HEMK2: variants seen among roughly 807,000 people sequenced by gnomAD.
HEMK2 encodes the protein HemK methyltransferase 2, ETF1 glutamine and histone H4 lysine.
chr21:28,869,815 G>T, the HEMK2 span, among the ~76,000 whole-genome samples: 8 of 152,280 alleles, frequency 5.3e-5, no homozygotes, highest in East Asian at 1.5e-3. Flanking sequence ...AAAGAACTTG[G>T]TACATCAGTT....
the HEMK2 span, among the ~76,000 whole-genome samples, chr21:28,607,147 A>T: frequency 6.6e-6 from 1 of 152,300 alleles, no homozygotes; most frequent in South Asian, 2.1e-4. Context: ...GCAGTGGTTC[A>T]TGCCTGTAAT....
At chr21:28,729,299 C>T in the HEMK2 span, among the ~76,000 whole-genome samples, 1 of 152,084 alleles carries the variant, frequency 6.6e-6, no homozygotes, top group African/African-American at 2.4e-5. Flanking sequence ...AGATCTAGGC[C>T]TTGAATGGGA....
chr21:28,877,129 AAAGAGAAGAG>A, the HEMK2 span, among the ~76,000 whole-genome samples: 1 of 103,992 alleles, frequency 9.6e-6, no homozygotes, highest in Non-Finnish European at 2.3e-5. Context: ...AGGAAGAAAA[AAAGAGAAGAG>A]AAGAGAGAGA....
chr21:28,613,352 T>C, the HEMK2 span, among the ~76,000 whole-genome samples: 1 of 152,038 alleles, frequency 6.6e-6, no homozygotes, highest in South Asian at 2.1e-4. Context: ...CTCCATAATG[T>C]AACTGTGACT....
At chr21:28,803,455 G>A in the HEMK2 span, among the ~76,000 whole-genome samples, 1 of 152,134 alleles carries the variant, frequency 6.6e-6, no homozygotes, top group Admixed American at 6.6e-5. Context: ...AATAAAGTCT[G>A]GAGCCCAATG....
chr21:28,734,090 C>A, the HEMK2 span, among the ~76,000 whole-genome samples: 3 of 152,170 alleles, frequency 2.0e-5, no homozygotes, highest in South Asian at 2.1e-4. Context: ...CCTTCTAAGT[C>A]CAAGATCCCT....
chr21:28,832,454 G>A, the HEMK2 span, among the ~76,000 whole-genome samples: 3 of 152,184 alleles, frequency 2.0e-5, no homozygotes, highest in African/African-American at 7.2e-5. Flanking sequence ...AAGCAAAAAT[G>A]TTGAAATACT....
At chr21:28,603,114 C>T in the HEMK2 span, among the ~76,000 whole-genome samples, 1 of 152,124 alleles carries the variant, frequency 6.6e-6, no homozygotes, top group Non-Finnish European at 1.5e-5. Context: ...GAGGCTTAAC[C>T]CACACACCAG....
the HEMK2 span, among the ~76,000 whole-genome samples, chr21:28,579,115 G>A: frequency 1.3e-5 from 2 of 152,190 alleles, no homozygotes; most frequent in Non-Finnish European, 2.9e-5. Context: ...AAATCGAGTT[G>A]TAGAAAATGG....
At chr21:28,638,440 T>C in the HEMK2 span, among the ~76,000 whole-genome samples, 1 of 152,136 alleles carries the variant, frequency 6.6e-6, no homozygotes, top group African/African-American at 2.4e-5. Flanking sequence ...GAGCTAAGCC[T>C]GGAGAGGCCA....
chr21:28,774,471 C>T, the HEMK2 span, among the ~76,000 whole-genome samples: 2 of 151,974 alleles, frequency 1.3e-5, no homozygotes, highest in African/African-American at 4.8e-5. Flanking sequence ...GCCTACAGTC[C>T]CAGTTACTCA....
At chr21:28,882,551 T>C in the HEMK2 span, among the ~76,000 whole-genome samples, 2 of 151,942 alleles carry the variant, frequency 1.3e-5, no homozygotes, top group Non-Finnish European at 2.9e-5. Context: ...AAATGAAATT[T>C]AAAAGGAATT....
the HEMK2 span, chr21:28,878,194 G>A: frequency 6.4e-7 from 1 of 1,573,634 alleles, no homozygotes; most frequent in Non-Finnish European, 8.6e-7. Flanking sequence ...TGTATTACCT[G>A]GGTTGTTTTC....
At chr21:28,763,147 T>C in the HEMK2 span, among the ~76,000 whole-genome samples, 1 of 152,172 alleles carries the variant, frequency 6.6e-6, no homozygotes, top group Non-Finnish European at 1.5e-5. Context: ...TGCAAAACTC[T>C]GTCATTTACT....
the HEMK2 span, among the ~76,000 whole-genome samples, chr21:28,709,826 A>G: frequency 6.6e-6 from 1 of 152,206 alleles, no homozygotes; most frequent in Non-Finnish European, 1.5e-5. Context: ...AAGTCTGGGT[A>G]TAACTACAGA....
the HEMK2 span, among the ~76,000 whole-genome samples, chr21:28,802,977 G>A: frequency 1.3e-5 from 2 of 152,132 alleles, no homozygotes; most frequent in Non-Finnish European, 2.9e-5. Flanking sequence ...GAGGTCTCTT[G>A]TTATAAACTT....
the HEMK2 span, among the ~76,000 whole-genome samples, chr21:28,622,340 A>G: frequency 2.0e-5 from 3 of 152,334 alleles, no homozygotes; most frequent in East Asian, 5.8e-4. Flanking sequence ...GAACACAAAC[A>G]AATGGAAAAA....
At chr21:28,813,072 A>T in the HEMK2 span, among the ~76,000 whole-genome samples, 1 of 152,130 alleles carries the variant, frequency 6.6e-6, no homozygotes, top group Non-Finnish European at 1.5e-5. Flanking sequence ...CACCACTCCT[A>T]TTCAACACAG....
chr21:28,766,873 G>A, the HEMK2 span, among the ~76,000 whole-genome samples: 1 of 152,000 alleles, frequency 6.6e-6, no homozygotes, highest in East Asian at 1.9e-4. Context: ...GGGGGTGAGG[G>A]ATAAAAGACT....
Sources: gnomAD v4.1 joint callset for allele counts (sites outside exome capture counted in the v4.1 genomes callset) on GRCh38, gnomAD v4.1.1 for gene constraint, MANE v1.5 for transcripts, NCBI Gene and HGNC (gene_info 2026-07-23, HGNC 2026-07-21) for gene names.